NOC4L: variants seen among roughly 807,000 people sequenced by gnomAD.
NOC4L encodes nucleolar complex protein 4 homolog.
In NOC4L, 40 loss-of-function variants were observed where a neutral mutation model predicts 62.8. The ratio of observed to expected loss-of-function variants is 0.64; its 90% CI spans 0.49 to 0.83. The LOEUF is 0.83. Ranked by LOEUF, NOC4L falls within the 40% of genes least tolerant of loss-of-function variation. The pLI, the probability that NOC4L is intolerant of heterozygous loss-of-function variation, is 0.00. For synonymous variants in NOC4L, 433 were observed against 299.8 expected (o/e 1.44, Z -4.59); for missense variants, 927 against 701.9 (o/e 1.32, Z -3.62).
chr12:132,147,229 C>A, intron 3 of NOC4L, 52 bp from the exon 4 acceptor site: 1 of 1,349,662 alleles, frequency 7.4e-7, no homozygotes, highest in Non-Finnish European at 9.9e-7. Context: ...GAGCTCTGGG[C>A]CCATCCGTGG....
rs145248678 is a variant in NOC4L, at chr12:132,145,548, C to T, written c.239-11C>T. On this transcript the variant is annotated splice_polypyrimidine_tract_variant and intron_variant, in intron 2 of 14. Transcript: ENST00000330579. ...GCCTCACGTGGGCTGACCACCCTAACCTGTCTGCAGGGTCCCAGGGAGCCA... is the reference window on the plus strand; with the variant it reads ...GCCTCACGTGGGCTGACCACCCTAATCTGTCTGCAGGGTCCCAGGGAGCCA... 1.7e-4 allele frequency: 265 copies of T among 1,600,848 alleles called. 2 individuals carry two copies. The East Asian group carries it at 5.8e-3, about 35-fold the overall frequency.
rs1897759834 is a variant in NOC4L at position 132,147,330 on chromosome 12, A to T, written c.395A>T (p.His132Leu). The T allele has an allele frequency of 1.3e-6, 2 of 1,593,702 alleles. No homozygotes were observed. The highest frequency in any genetic ancestry group is 1.1e-5 in the South Asian group (1 of 88,164). ...LLKFVQLEGA[H>L]PLEKSKWEGN... ...AAGTTCGTGCAGCTGGAAGGAGCGC[A>T]CCCCCTGGAGAAGTCCAAGTGGGAA... The change falls in exon 4 of 15, where the codon CAC becomes CTC. Residue 132 changes from histidine (H) to leucine (L), a missense_variant. Physicochemically the swap from His to Leu is moderately conservative, Grantham distance 99. Transcript: ENST00000330579.
Position 132,151,591 on chromosome 12 carries a change from T to C in NOC4L, c.1181T>C (p.Leu394Pro). Residue 394 changes from leucine to proline, a missense_variant, in exon 12 of 15, where the codon CTG (leucine) becomes CCG (proline). By Grantham distance (98) the Leu-to-Pro change is moderately conservative (BLOSUM62 -3). Coordinates refer to ENST00000330579, the MANE Select transcript of NOC4L (RefSeq NM_024078.3). Reference protein sequence around the residue: ...LLMVLPFICNLLRRHPACRVL... With the variant: ...LLMVLPFICNPLRRHPACRVL... Reference sequence around the variant, plus strand: ...ATGGTCCTGCCTTTCATCTGTAACCTGCTGCGCCGGCACCCTGCCTGCCGG... The same window carrying C: ...ATGGTCCTGCCTTTCATCTGTAACCCGCTGCGCCGGCACCCTGCCTGCCGG... 1 of 1,611,390 alleles carries C rather than the reference T, an allele frequency of 6.2e-7. No homozygotes were observed. The highest frequency in any genetic ancestry group is 2.2e-5 in the East Asian group (1 of 44,842).
chr12:132,144,815 A>G, intron 1 of NOC4L, 39 bp from the exon 2 acceptor site: 1 of 1,581,274 alleles, frequency 6.3e-7, no homozygotes, highest in East Asian at 2.3e-5. Flanking sequence ...CGAAGGTGAC[A>G]GTTGGCGGCC....
Position 132,148,120 on chromosome 12 carries a change from G to C in NOC4L, c.738+14G>C, listed in dbSNP as rs1246018906. The C allele has an allele frequency of 6.2e-7, 1 of 1,613,018 alleles. No homozygotes were observed. The highest frequency in any genetic ancestry group is 1.7e-5 in the Admixed American group (1 of 59,994). ...GCTCACCTGAAGGTGAGTTGCTTCT[G>C]GAGAGCCGGGCACCCTCCCGGGTTT... On this transcript the variant is annotated intron_variant, in intron 7 of 14. Transcript: ENST00000330579.
rs547422920 is a variant in NOC4L at position 132,147,561 on chromosome 12, C to T, written c.454-72C>T. 100 of 1,566,748 alleles carry T rather than the reference C, an allele frequency of 6.4e-5. 1 individual carries two copies. The South Asian group carries it at 1.1e-3, about 18-fold the overall frequency. On this transcript the variant is annotated intron_variant, in intron 4 of 14. Coordinates refer to ENST00000330579, the MANE Select transcript of NOC4L (RefSeq NM_024078.3). Reference sequence around the variant, plus strand: ...AGTCTGCCTGGGGGGCTCGATGGGGCAGGGCTGCCTGCCTGGACCTTGCTG... The same window carrying T: ...AGTCTGCCTGGGGGGCTCGATGGGGTAGGGCTGCCTGCCTGGACCTTGCTG...
In NOC4L at chr12:132,145,577, G is replaced by A. The variant is rs747540001; in HGVS notation, c.257G>A (p.Arg86Gln). ...TCTGCAGGGTCCCAGGGAGCCACAC[G>A]GAAGTACAAGGTGTGGATGAGACAC... ...MVMTGSQGAT[R>Q]KYKVWMRHRY... The change falls in exon 3 of 15, where the codon CGG becomes CAG. Residue 86 changes from arginine to glutamine, a missense_variant. Transcript: ENST00000330579. 11 of 1,612,558 alleles carry A rather than the reference G, an allele frequency of 6.8e-6. No individual in the cohort carries two copies. The highest frequency in any genetic ancestry group is 6.7e-5 in the Admixed American group (4 of 59,934).
At position 132,148,596 on chromosome 12, in the gene NOC4L, G is replaced by C; in HGVS notation, c.739-13G>C. On this transcript the variant is annotated splice_polypyrimidine_tract_variant and intron_variant, in intron 7 of 14. Coordinates refer to ENST00000330579, the MANE Select transcript of NOC4L (RefSeq NM_024078.3). ...TGGGGAGGGCGGCGAGTGCAGTCTG[G>C]ACCCCGTTGCAGGAGCACAGGAGGG... is the stretch of plus-strand genomic sequence containing the variant. The C allele has an allele frequency of 1.3e-6, 2 of 1,545,558 alleles. No individual in the cohort carries two copies. The highest frequency in any genetic ancestry group is 8.7e-7 in the Non-Finnish European group (1 of 1,144,056).
At chr12:132,146,437 C>T (rs761289769) in intron 3 of NOC4L, 4 of 440,348 alleles carry the variant, frequency 9.1e-6, no homozygotes, top group South Asian at 1.6e-5. Flanking sequence ...CGTTCGCGTA[C>T]AAACTCTTGT....
chr12:132,144,650 G>C, intron 1 of NOC4L, 45 bp downstream of exon 1: 3 of 1,468,664 alleles, frequency 2.0e-6, no homozygotes, highest in South Asian at 1.4e-5. Flanking sequence ...GCACGGGAGC[G>C]GGACTTGAAT....
Position 132,151,762 on chromosome 12 carries a change from C to G in NOC4L, c.1259C>G (p.Pro420Arg), listed in dbSNP as rs563034934. Residue 420 changes from proline (P) to arginine (R), a missense_variant, in exon 13 of 15, where the codon CCT becomes CGT. Pro to Arg is a moderately radical substitution (Grantham distance 103, BLOSUM62 -2). Transcript: ENST00000330579. ...GAGTTGGACGCCGACCCCTACGACC[C>G]TGGAGAGGAGGACCCAGCCCAGAGC... ...GPELDADPYD[P>R]GEEDPAQSRA... 10 of 1,612,394 alleles carry G rather than the reference C, an allele frequency of 6.2e-6. No homozygotes were observed. The African/African-American group carries it at 1.1e-4, about 17-fold the overall frequency.
intron 4 of NOC4L, 63 bp from the exon 5 acceptor site, chr12:132,147,570 C>T: frequency 1.3e-6 from 2 of 1,579,068 alleles, no homozygotes; most frequent in Non-Finnish European, 1.7e-6. Flanking sequence ...GCAGGGCTGC[C>T]TGCCTGGACC....
At position 132,148,621 on chromosome 12, in the gene NOC4L, G is replaced by C; in HGVS notation, c.751G>C (p.Val251Leu). The change falls in exon 8 of 15, where the codon GTT becomes CTT. Residue 251 changes from valine to leucine, a missense_variant. Coordinates refer to ENST00000330579, the MANE Select transcript of NOC4L (RefSeq NM_024078.3). ...KVAHLKEHRR[V>L]FQAMWLSFLK... ...GACCCCGTTGCAGGAGCACAGGAGGGTTTTCCAGGCCATGTGGCTCAGCTT... is the reference window on the plus strand; with the variant it reads ...GACCCCGTTGCAGGAGCACAGGAGGCTTTTCCAGGCCATGTGGCTCAGCTT... 6.7e-7 allele frequency: 1 copy of C among 1,489,746 alleles called. No individual in the cohort carries two copies. The highest frequency in any genetic ancestry group is 9.0e-7 in the Non-Finnish European group (1 of 1,111,540). The allele number at this position is 1,489,746 out of a possible 1,614,324, so 92.3% of individuals were successfully genotyped here.
At chr12:132,148,378 C>G (rs951275117) in intron 7 of NOC4L, among the ~76,000 whole-genome samples, 3 of 152,202 alleles carry the variant, frequency 2.0e-5, no homozygotes, top group Non-Finnish European at 4.4e-5. Context: ...GGGCGCAGCC[C>G]CCCTCTTGGC....
In NOC4L at chr12:132,144,548, G is replaced by A; in HGVS notation, c.60G>A (p.Ala20=). The A allele has an allele frequency of 6.6e-7, 1 of 1,518,170 alleles. No homozygotes were observed. Among genetic ancestry groups the A allele is most frequent in the Non-Finnish European group, 8.8e-7 (1 of 1,141,366 alleles). The allele number at this position is 1,518,170 out of a possible 1,614,324, so 94.0% of individuals were successfully genotyped here. The change falls in exon 1 of 15, where the codon GCG becomes GCA. Residue 20 remains alanine (A), a synonymous_variant. Transcript: ENST00000330579. The stretch of plus-strand genomic sequence containing the variant: ...GGGCTCTGGGCCGCCGGCTGGAGGC[G>A]GTGCTGGCGAGCCGCAGTGAGGCCA... ...VRRALGRRLE[A]VLASRSEANA...
chr12:132,148,681 G>A, intron 8 of NOC4L, 22 bp downstream of exon 8: 1 of 1,539,036 alleles, frequency 6.5e-7, no homozygotes, highest in Non-Finnish European at 8.8e-7. Context: ...GCCGGGGAGG[G>A]GGCGGGGGCG....
rs541301992 is a variant in NOC4L, at chr12:132,147,866, G to A, written c.604-14G>A. 1.2e-6 allele frequency: 2 copies of A among 1,609,450 alleles called. No homozygotes were observed. The highest frequency in any genetic ancestry group is 1.3e-5 in the African/African-American group (1 of 75,028). On this transcript the variant is annotated splice_polypyrimidine_tract_variant and intron_variant, in intron 5 of 14. Coordinates refer to ENST00000330579, the MANE Select transcript of NOC4L (RefSeq NM_024078.3). ...TGGGGGGCGGCGTCCAGGCACTCAG[G>A]CCAGGCTCCGCAGGTGCCCCCCGCC...
intron 13 of NOC4L, 24 bp downstream of exon 13, chr12:132,151,844 TG>T: frequency 6.2e-7 from 1 of 1,604,700 alleles, no homozygotes; most frequent in Non-Finnish European, 8.5e-7. Flanking sequence ...TGCCACACCC[TG>T]GGGCCTCCCG....
chr12:132,151,123 G>T, intron 10 of NOC4L, 82 bp downstream of exon 10: 1 of 1,465,150 alleles, frequency 6.8e-7, no homozygotes, highest in Non-Finnish European at 9.5e-7. Flanking sequence ...TGCCCCACGG[G>T]GTCCCCGCTT....
Sources: gnomAD v4.1 joint callset for allele counts (sites outside exome capture counted in the v4.1 genomes callset) on GRCh38, gnomAD v4.1.1 for gene constraint, MANE v1.5 for transcripts, NCBI Gene and HGNC (gene_info 2026-07-23, HGNC 2026-07-21) for gene names.